Variants in ZNF710 observed in about 807,000 individuals in gnomAD.
ZNF710 encodes the protein zinc finger protein 710.
In ZNF710, 13 loss-of-function variants were observed where a neutral mutation model predicts 50.6. The ratio of observed to expected loss-of-function variants is 0.26; its 90% CI spans 0.17 to 0.41. ZNF710 has a LOEUF of 0.41. Among genes scored for constraint, ZNF710 ranks in the 10% least tolerant of loss-of-function variants. ZNF710 has a pLI of 1.00. For missense variants in ZNF710, 721 were observed against 936.6 expected, an observed-to-expected ratio of 0.77 and a Z score of 3.01; for synonymous variants, 383 against 397.0, an observed-to-expected ratio of 0.96 and a Z score of 0.42.
At chr15:90,033,018 T>C (rs942571688) in intron 1 of ZNF710, among the ~76,000 whole-genome samples, 2 of 152,252 alleles carry the variant, frequency 1.3e-5, no homozygotes, top group Non-Finnish European at 2.9e-5. Context: ...TAAACATTCT[T>C]GTGTATTCTT....
chr15:90,070,527 A>G (rs1900343095), intron 2 of ZNF710, among the ~76,000 whole-genome samples: 2 of 152,026 alleles, frequency 1.3e-5, no homozygotes, highest in Admixed American at 1.3e-4. Context: ...TTTTTTAAAA[A>G]TAGCTGAGTG....
At chr15:90,029,521 C>G (rs1421174429) in intron 1 of ZNF710, among the ~76,000 whole-genome samples, 1 of 152,174 alleles carries the variant, frequency 6.6e-6, no homozygotes, top group Non-Finnish European at 1.5e-5. Flanking sequence ...AATCCTAGCA[C>G]TTTGGGAAGC....
intron 1 of ZNF710, chr15:90,025,758 G>A (rs1898756828): frequency 6.6e-6 from 1 of 152,210 alleles, no homozygotes; most frequent in Non-Finnish European, 1.5e-5. Context: ...CAGTCGGGGA[G>A]TCCTTTGATC....
intron 1 of ZNF710, among the ~76,000 whole-genome samples, chr15:90,030,299 G>T (rs1416863959): frequency 7.6e-6 from 1 of 131,818 alleles, no homozygotes; most frequent in Non-Finnish European, 1.6e-5. Context: ...ATTGCATTCC[G>T]GCCTGGGCAA....
intron 4 of ZNF710, chr15:90,074,589 G>A (rs1045900766): frequency 7.3e-6 from 9 of 1,225,968 alleles, no homozygotes; most frequent in South Asian, 7.0e-5. Context: ...TCCTCAAAGC[G>A]AGGTTGGCTC....
At chr15:90,069,705 G>A (rs1025335952) in intron 2 of ZNF710, among the ~76,000 whole-genome samples, 3 of 152,196 alleles carry the variant, frequency 2.0e-5, no homozygotes, top group Non-Finnish European at 4.4e-5. Flanking sequence ...GAAAAGTACA[G>A]GTAGTTCTAG....
At chr15:90,038,759 A>G (rs917527716) in intron 1 of ZNF710, among the ~76,000 whole-genome samples, 5 of 124,778 alleles carry the variant, frequency 4.0e-5, no homozygotes, top group Non-Finnish European at 4.7e-5. Context: ...GGCTTTGAAG[A>G]GTCCAGGAAG....
At chr15:90,001,318 T>A (rs1300249425), upstream of ZNF710, 1 of 152,188 alleles carries the variant, frequency 6.6e-6, no homozygotes, top group Admixed American at 6.5e-5. Context: ...TTTCTGTCTC[T>A]CTCTTCCTCT....
intron 1 of ZNF710, among the ~76,000 whole-genome samples, chr15:90,032,513 C>T (rs964488536): frequency 1.3e-5 from 2 of 151,930 alleles, no homozygotes; most frequent in African/African-American, 4.8e-5. Flanking sequence ...CACGGTGGCT[C>T]ATGCCTGCAA....
intron 1 of ZNF710, among the ~76,000 whole-genome samples, chr15:90,013,395 C>T (rs1898366723): frequency 6.6e-6 from 1 of 152,166 alleles, no homozygotes; most frequent in Non-Finnish European, 1.5e-5. Flanking sequence ...GACCACTGTG[C>T]CTGGCCAGGT....
intron 1 of ZNF710, among the ~76,000 whole-genome samples, chr15:90,008,422 GTGTGTATA>G (rs1438891032): frequency 7.9e-6 from 1 of 126,982 alleles, no homozygotes; most frequent in African/African-American, 3.7e-5. Flanking sequence ...GTGTGTGTGT[GTGTGTATA>G]TATATATATA....
intron 1 of ZNF710, among the ~76,000 whole-genome samples, chr15:90,038,987 A>C (rs113759263): frequency 1.1e-4 from 17 of 152,126 alleles, no homozygotes; most frequent in Non-Finnish European, 2.1e-4. Flanking sequence ...GTTATGTATA[A>C]AATGCTTCCT....
chr15:90,063,102 C>T (rs891887624), intron 1 of ZNF710, among the ~76,000 whole-genome samples: 5 of 152,136 alleles, frequency 3.3e-5, no homozygotes, highest in East Asian at 1.9e-4. Flanking sequence ...GGAAGCAGCC[C>T]GAGCCTTCAT....
intron 1 of ZNF710, among the ~76,000 whole-genome samples, chr15:90,007,956 T>C (rs1419548573): frequency 6.6e-6 from 1 of 151,840 alleles, no homozygotes; most frequent in East Asian, 1.9e-4. Context: ...CTCATGCTTG[T>C]TTGCAAAGAA....
At chr15:90,054,728 T>C (rs1899757367) in intron 1 of ZNF710, among the ~76,000 whole-genome samples, 1 of 152,242 alleles carries the variant, frequency 6.6e-6, no homozygotes, top group Non-Finnish European at 1.5e-5. Flanking sequence ...TTGTCTGCTT[T>C]TCCCGTTACA....
intron 1 of ZNF710, among the ~76,000 whole-genome samples, chr15:90,038,229 A>G (rs559976076): frequency 3.8e-4 from 58 of 152,342 alleles, no homozygotes; most frequent in Middle Eastern, 3.4e-3. Context: ...ATCATGGAGC[A>G]GGTTGGGAAA....
intron 1 of ZNF710, among the ~76,000 whole-genome samples, chr15:90,029,686 G>A (rs928146684): frequency 6.6e-6 from 1 of 152,120 alleles, no homozygotes; most frequent in African/African-American, 2.4e-5. Flanking sequence ...TTTGATCTTG[G>A]CTCACTACAA....
intron 1 of ZNF710, among the ~76,000 whole-genome samples, chr15:90,038,926 G>A (rs1000288223): frequency 6.6e-6 from 1 of 152,086 alleles, no homozygotes; most frequent in Non-Finnish European, 1.5e-5. Context: ...TGTGTTGTGG[G>A]GCATCCTGTC....
intron 1 of ZNF710, among the ~76,000 whole-genome samples, chr15:90,005,394 T>C (rs926743792): frequency 6.6e-6 from 1 of 152,138 alleles, no homozygotes; most frequent in African/African-American, 2.4e-5. Context: ...GAGAGGATCC[T>C]GAATGGGGTG....
Sources: gnomAD v4.1 joint callset for allele counts (sites outside exome capture counted in the v4.1 genomes callset) on GRCh38, gnomAD v4.1.1 for gene constraint, MANE v1.5 for transcripts, NCBI Gene and HGNC (gene_info 2026-07-23, HGNC 2026-07-21) for gene names.